CDH18: variants seen among roughly 807,000 people sequenced by gnomAD.
CDH18 encodes the protein cadherin 18.
A neutral mutation model predicts 67.9 loss-of-function variants in CDH18; 31 were observed. That is an observed-to-expected ratio of 0.46 (90% CI 0.34 to 0.62). The LOEUF is 0.62. CDH18 is among the 20% of genes least tolerant of loss of function. The pLI is 0.01. For missense variants in CDH18, 890 were observed against 975.5 expected (o/e 0.91, Z 1.17); for synonymous variants, 362 against 347.2 (o/e 1.04, Z -0.48).
intron 2 of CDH18, among the ~76,000 whole-genome samples, chr5:20,007,072 T>C (rs935310028): frequency 5.9e-5 from 9 of 151,972 alleles, no homozygotes; most frequent in Non-Finnish European, 1.0e-4. Flanking sequence ...CAAGACACTT[T>C]TGAGTAAGAG....
intron 5 of CDH18, among the ~76,000 whole-genome samples, chr5:19,640,994 T>C (rs1580654206): frequency 6.6e-6 from 1 of 151,650 alleles, no homozygotes; most frequent in Non-Finnish European, 1.5e-5. Context: ...AAAAAGGAGA[T>C]GCTACAATGG....
intron 2 of CDH18, among the ~76,000 whole-genome samples, chr5:20,109,527 A>G (rs1747271466): frequency 6.6e-6 from 1 of 152,238 alleles, no homozygotes; most frequent in South Asian, 2.1e-4. Flanking sequence ...AATGAGGGCC[A>G]GTGCTGAACC....
intron 1 of CDH18, among the ~76,000 whole-genome samples, chr5:20,388,890 AG>A (rs2150111557): frequency 6.6e-6 from 1 of 152,204 alleles, no homozygotes; most frequent in African/African-American, 2.4e-5. Context: ...CCTGAGTTCT[AG>A]TTTGATTGCA....
At chr5:19,663,512 A>G (rs1162711551) in intron 5 of CDH18, among the ~76,000 whole-genome samples, 1 of 151,856 alleles carries the variant, frequency 6.6e-6, no homozygotes, top group African/African-American at 2.4e-5. Flanking sequence ...TTAAGTTAAT[A>G]CTCTTCTAAG....
At chr5:20,434,120 T>C (rs1196112878) in intron 1 of CDH18, among the ~76,000 whole-genome samples, 1 of 152,038 alleles carries the variant, frequency 6.6e-6, no homozygotes, top group South Asian at 2.1e-4. Context: ...AGTTCCCTGT[T>C]TGAAATAGCA....
rs537719613 is a variant in CDH18 at position 20,157,864 on chromosome 5, T to A, written c.-518+97580A>T. Among the ~76,000 whole-genome samples the A allele has an allele frequency of 5.3e-5, 8 of 152,096 alleles. No homozygotes were observed. In the East Asian group the frequency reaches 5.8e-4, roughly 11 times the overall value. ...ACCATGTTGGCCAGGATGGTCTCGA[T>A]CTCCTGACCTTGTGATCTGCCCTCC... On this transcript the variant is annotated intron_variant, in intron 2 of 14. Coordinates refer to the CDH18 transcript ENST00000507958.
Position 20,095,780 on chromosome 5 carries a change from T to C in CDH18, c.-517-103766A>G, listed in dbSNP as rs571241141. Among the ~76,000 whole-genome samples, 131 of 150,634 alleles carry C rather than the reference T, an allele frequency of 8.7e-4. 1 individual carries two copies. The highest frequency in any genetic ancestry group is 3.1e-3 in the African/African-American group (126 of 41,178). On this transcript the variant is annotated intron_variant, in intron 2 of 14. Transcript: ENST00000507958. ...AGCTACAGACTTAAAAAAAATAGTATATTCAAAAACTGTTAACAAGATATA... is the reference window on the plus strand; with the variant it reads ...AGCTACAGACTTAAAAAAAATAGTACATTCAAAAACTGTTAACAAGATATA...
In CDH18 at chr5:19,662,477, A is replaced by T. The variant is rs79861414; in HGVS notation, c.644-49876T>A. ...GTGACTTTATGCTTCAATACCATAGATATGTAGTTTATCACCTGAAAAGTA... is the reference window on the plus strand; with the variant it reads ...GTGACTTTATGCTTCAATACCATAGTTATGTAGTTTATCACCTGAAAAGTA... On this transcript the variant is annotated intron_variant, in intron 5 of 12. Transcript: ENST00000382275. 5.1e-3 allele frequency among the ~76,000 whole-genome samples: 779 copies of T among 152,154 alleles called. 7 individuals are homozygous for T. The highest frequency in any genetic ancestry group is 0.018 in the African/African-American group (755 of 41,534).
intron 3 of CDH18, among the ~76,000 whole-genome samples, chr5:19,815,525 T>C (rs1400119931): frequency 2.0e-5 from 3 of 151,440 alleles, no homozygotes; most frequent in East Asian, 3.9e-4. Context: ...CTAAAATTCA[T>C]TTCTTTAATT....
intron 1 of CDH18, among the ~76,000 whole-genome samples, chr5:20,350,976 A>G (rs978500771): frequency 7.4e-6 from 1 of 135,920 alleles, no homozygotes; most frequent in Non-Finnish European, 1.5e-5. Flanking sequence ...TTGGAAAAGT[A>G]AAAAAAAAAG....
chr5:20,206,938 C>G (rs1739942560), intron 2 of CDH18, among the ~76,000 whole-genome samples: 1 of 151,928 alleles, frequency 6.6e-6, no homozygotes, highest in South Asian at 2.1e-4. Context: ...AGATCTGAAA[C>G]AAGGATGCCC....
intron 5 of CDH18, among the ~76,000 whole-genome samples, chr5:19,633,091 T>G (rs1752645736): frequency 6.6e-6 from 1 of 152,206 alleles, no homozygotes; most frequent in Non-Finnish European, 1.5e-5. Flanking sequence ...AGAGAAAATG[T>G]TTGAAAATTC....
At chr5:19,658,952 T>C (rs529347236) in intron 5 of CDH18, among the ~76,000 whole-genome samples, 1 of 152,120 alleles carries the variant, frequency 6.6e-6, no homozygotes, top group Non-Finnish European at 1.5e-5. Context: ...ATATACACCA[T>C]GGAATACTAT....
At chr5:20,152,555 C>T (rs906546501) in intron 2 of CDH18, among the ~76,000 whole-genome samples, 1 of 151,714 alleles carries the variant, frequency 6.6e-6, no homozygotes, top group African/African-American at 2.4e-5. Flanking sequence ...ATCTCAATTC[C>T]CACAAAAATA....
chr5:19,559,921 C>CA (rs371611637), intron 8 of CDH18, among the ~76,000 whole-genome samples: 1,761 of 131,572 alleles, frequency 0.013, 31 homozygotes, highest in East Asian at 0.039. Flanking sequence ...GTTGCAAAAA[C>CA]AAACAAAAAA....
intron 1 of CDH18, among the ~76,000 whole-genome samples, chr5:20,547,548 A>G (rs1757408072): frequency 6.9e-6 from 1 of 144,192 alleles, no homozygotes; most frequent in South Asian, 2.3e-4. Context: ...GTGACAGGGC[A>G]AGACTCTGTC....
intron 5 of CDH18, among the ~76,000 whole-genome samples, chr5:19,687,566 G>C (rs1761282824): frequency 6.6e-6 from 1 of 152,162 alleles, no homozygotes; most frequent in African/African-American, 2.4e-5. Context: ...CCCAGAGCCT[G>C]AAACCCTCCT....
At chr5:19,941,943 T>C (rs1794867620) in intron 2 of CDH18, among the ~76,000 whole-genome samples, 2 of 152,272 alleles carry the variant, frequency 1.3e-5, no homozygotes, top group East Asian at 3.9e-4. Context: ...TTCTCAATCA[T>C]GTTCATTTCA....
chr5:20,077,094 T>C (rs983967572), intron 2 of CDH18, among the ~76,000 whole-genome samples: 5 of 152,158 alleles, frequency 3.3e-5, no homozygotes, highest in Non-Finnish European at 5.9e-5. Flanking sequence ...TTCATCTCTC[T>C]TGTAACCCCT....
Sources: allele counts gnomAD v4.1 joint callset (sites outside exome capture counted in the v4.1 genomes callset), GRCh38; gene constraint gnomAD v4.1.1; transcripts MANE v1.5; gene names NCBI Gene and HGNC (gene_info 2026-07-23, HGNC 2026-07-21).